The following UNC93A variants were observed in gnomAD, a reference collection of about 807,000 sequenced individuals.
The protein encoded by UNC93A is unc-93 homolog A.
UNC93A carries 43 observed loss-of-function variants against 47.5 expected under a neutral mutation model. The ratio of observed to expected loss-of-function variants is 0.91; its 90% CI spans 0.71 to 1.17. UNC93A has a LOEUF of 1.17. Ranked by LOEUF, UNC93A falls within the 50% of genes most tolerant of loss-of-function variation. The pLI, the probability that UNC93A is intolerant of heterozygous loss-of-function variation, is 0.00. For missense variants in UNC93A, 605 were observed against 577.6 expected, an observed-to-expected ratio of 1.05 and a Z score of -0.49; for synonymous variants, 280 against 258.0, an observed-to-expected ratio of 1.09 and a Z score of -0.82.
intron 7 of UNC93A, among the ~76,000 whole-genome samples, chr6:167,310,353 T>C (rs1459221394): frequency 6.6e-6 from 1 of 152,300 alleles, no homozygotes; most frequent in Non-Finnish European, 1.5e-5. Flanking sequence ...TTTTTGTTCT[T>C]CCTGAGCTAT....
At chr6:167,295,573 A>ATCCTCGCCTCCCTCGTGC (rs1778050388) in intron 2 of UNC93A, among the ~76,000 whole-genome samples, 1 of 16,396 alleles carries the variant, frequency 6.1e-5, no homozygotes. Context: ...CTCCCTCGTG[A>ATCCTCGCCTCCCTCGTGC]TCCTCGCCTG....
At chr6:167,295,668 C>CGCCTCCCTCGTGATCCTT (rs1778057978) in intron 2 of UNC93A, among the ~76,000 whole-genome samples, 1 of 119,010 alleles carries the variant, frequency 8.4e-6, no homozygotes, top group Non-Finnish European at 1.7e-5. Context: ...TCGTGATCCT[C>CGCCTCCCTCGTGATCCTT]GCCTGCCTCG....
rs139910182 is a variant in UNC93A, at chr6:167,279,025, C to G, written c.-52+7567C>G. ...CTTTGCTTCGAATTTTGAAAAGGTA[C>G]ACAGCAACCTGCAACACACAGGCAG... On this transcript the variant is annotated intron_variant, in intron 1 of 3. Coordinates refer to the UNC93A transcript ENST00000503433. Among the ~76,000 whole-genome samples, 75 of 152,298 alleles carry G rather than the reference C, an allele frequency of 4.9e-4. 1 individual carries two copies. Among genetic ancestry groups the G allele is most frequent in the African/African-American group, 1.6e-3 (66 of 41,556 alleles).
intron 1 of UNC93A, among the ~76,000 whole-genome samples, chr6:167,281,913 G>A (rs1783641087): frequency 6.6e-6 from 1 of 152,110 alleles, no homozygotes; most frequent in Non-Finnish European, 1.5e-5. Flanking sequence ...TTAAAGAAAG[G>A]GAATAAACAA....
upstream of UNC93A, among the ~76,000 whole-genome samples, chr6:167,287,746 T>C (rs1208369817): frequency 6.6e-6 from 1 of 151,906 alleles, no homozygotes; most frequent in Non-Finnish European, 1.5e-5. Context: ...TGCATGCGTG[T>C]GTGTGTGTGT....
chr6:167,273,215 C>T (rs187715488), intron 1 of UNC93A, among the ~76,000 whole-genome samples: 15 of 152,258 alleles, frequency 9.9e-5, no homozygotes, highest in East Asian at 7.7e-4. Context: ...GGCTTGTGCA[C>T]GCTGGGTCAG....
Position 167,291,592 on chromosome 6 carries a change from C to T in UNC93A, c.87+16C>T. ...GAGCCTGCAGGTATGTGTGTCCGGT[C>T]ATCAAATTACCTGAACTTCTTGGCC... On this transcript the variant is annotated intron_variant, in intron 1 of 7. Transcript: ENST00000230256. The T allele has an allele frequency of 6.3e-7, 1 of 1,594,704 alleles. No individual in the cohort carries two copies. The highest frequency in any genetic ancestry group is 1.4e-5 in the African/African-American group (1 of 74,008).
At chr6:167,285,483 C>T (rs951717574) in intron 1 of UNC93A, among the ~76,000 whole-genome samples, 1 of 151,768 alleles carries the variant, frequency 6.6e-6, no homozygotes, top group Non-Finnish European at 1.5e-5. Flanking sequence ...CCGGGACTCA[C>T]ACTGCAGTGC....
intron 1 of UNC93A, among the ~76,000 whole-genome samples, chr6:167,272,032 A>G (rs1783458856): frequency 6.6e-6 from 1 of 152,208 alleles, no homozygotes; most frequent in South Asian, 2.1e-4. Context: ...TTCCTGGTAG[A>G]GACAGGAGTG....
intron 7 of UNC93A, among the ~76,000 whole-genome samples, chr6:167,308,221 G>A (rs1778457264): frequency 1.3e-5 from 2 of 152,154 alleles, no homozygotes; most frequent in Non-Finnish European, 2.9e-5. Flanking sequence ...CTACCCCTAG[G>A]ACAGCAGTCT....
chr6:167,312,939 G>A (rs924196318), intron 7 of UNC93A, among the ~76,000 whole-genome samples: 1 of 152,172 alleles, frequency 6.6e-6, no homozygotes, highest in African/African-American at 2.4e-5. Context: ...TCATCCACAC[G>A]TGTGGCTTCC....
At chr6:167,275,608 C>T (rs1783526261) in intron 1 of UNC93A, among the ~76,000 whole-genome samples, 1 of 152,232 alleles carries the variant, frequency 6.6e-6, no homozygotes, top group Admixed American at 6.5e-5. Flanking sequence ...CATCCTCACA[C>T]CTGTGCAGCA....
At chr6:167,295,506 C>CG (rs534625258) in intron 2 of UNC93A, among the ~76,000 whole-genome samples, 2 of 92,888 alleles carry the variant, frequency 2.2e-5, no homozygotes, top group African/African-American at 1.4e-4. Context: ...TCGTGATCCT[C>CG]GCCTGCCTCG....
Position 167,297,778 on chromosome 6 carries a change from A to G in UNC93A, c.500-167A>G, listed in dbSNP as rs955761763. On this transcript the variant is annotated intron_variant, in intron 3 of 7. Transcript: ENST00000230256. ...ATCGAGTCTAGGGACATGTGCCTAG[A>G]CTCGATCTAAATCTATTTTGAGACA... is the stretch of plus-strand genomic sequence containing the variant. 2.0e-5 allele frequency among the ~76,000 whole-genome samples: 3 copies of G among 152,018 alleles called. No individual in the cohort carries two copies. The South Asian group carries it at 6.2e-4, about 32-fold the overall frequency.
upstream of UNC93A, among the ~76,000 whole-genome samples, chr6:167,286,390 C>G (rs1175402942): frequency 6.6e-6 from 1 of 152,354 alleles, no homozygotes; most frequent in East Asian, 1.9e-4. Context: ...AAGAGGCGGT[C>G]ATTGCATCGT....
At chr6:167,307,025 C>T (rs2115168891) in intron 6 of UNC93A, among the ~76,000 whole-genome samples, 1 of 152,286 alleles carries the variant, frequency 6.6e-6, no homozygotes, top group East Asian at 1.9e-4. Flanking sequence ...CCCTTTTGTC[C>T]CCATGCCCCT....
chr6:167,311,507 C>A (rs1183881033), intron 7 of UNC93A, among the ~76,000 whole-genome samples: 1 of 152,220 alleles, frequency 6.6e-6, no homozygotes, highest in Non-Finnish European at 1.5e-5. Flanking sequence ...AATGCGCTGC[C>A]ATGAAGATAC....
chr6:167,282,365 G>A (rs1222512269), intron 1 of UNC93A, among the ~76,000 whole-genome samples: 8 of 152,094 alleles, frequency 5.3e-5, no homozygotes, highest in East Asian at 1.9e-4. Context: ...AAGAGAAAGT[G>A]TGCATAGGGG....
chr6:167,299,345 T>C (rs957231306), intron 4 of UNC93A, among the ~76,000 whole-genome samples: 1 of 151,412 alleles, frequency 6.6e-6, no homozygotes, highest in Non-Finnish European at 1.5e-5. Context: ...GGGTCAGAGG[T>C]GAGGAGGGTT....
Sources: allele counts gnomAD v4.1 joint callset (sites outside exome capture counted in the v4.1 genomes callset), GRCh38; gene constraint gnomAD v4.1.1; transcripts MANE v1.5; gene names NCBI Gene and HGNC (gene_info 2026-07-23, HGNC 2026-07-21).